FOXK1: variants seen among roughly 807,000 people sequenced by gnomAD.
FOXK1 encodes the protein forkhead box K1, also known as forkhead box protein K1.
Under a neutral mutation model 51.9 loss-of-function variants are expected in FOXK1, and 19 were observed. The observed-to-expected ratio is 0.37, with a 90% CI of 0.26 to 0.54. FOXK1 has a LOEUF of 0.54. FOXK1 is among the 20% of genes least tolerant of loss of function. The pLI is 0.87. For synonymous variants in FOXK1, 537 were observed against 482.6 expected (o/e 1.11, Z -1.48); for missense variants, 870 against 1,032.7 (o/e 0.84, Z 2.16).
Position 4,707,827 on chromosome 7 carries a change from G to C in FOXK1, c.560+24959G>C, listed in dbSNP as rs541072139. 2.6e-5 allele frequency among the ~76,000 whole-genome samples: 4 copies of C among 152,120 alleles called. No individual in the cohort carries two copies. On this transcript the variant is annotated intron_variant, in intron 1 of 8. Transcript: ENST00000328914. The surrounding 1 kb of genome is among the most constrained non-coding windows in gnomAD (Gnocchi z 4.1). ...AGCCCCCCAAGTAGCTGGGATGATA[G>C]GGCCCGCCACCGTGTCCGGCTAATT...
chr7:4,721,310 G>A (rs1159556848), intron 1 of FOXK1, among the ~76,000 whole-genome samples: 2 of 152,194 alleles, frequency 1.3e-5, no homozygotes, highest in Non-Finnish European at 2.9e-5. Context: ...GCCTTGAGCT[G>A]CCGGCCTAGC....
chr7:4,702,489 C>T (rs746936200), intron 1 of FOXK1, among the ~76,000 whole-genome samples: 17 of 152,042 alleles, frequency 1.1e-4, no homozygotes, highest in Non-Finnish European at 1.0e-4. Flanking sequence ...ATTACAGGCA[C>T]GCGCCACCAT....
chr7:4,745,510 C>T lies in FOXK1; in HGVS notation c.746+4487C>T, dbSNP rs1458693589. Among the ~76,000 whole-genome samples, 1 of 151,876 alleles carries T rather than the reference C, an allele frequency of 6.6e-6. No homozygotes were observed. The highest frequency in any genetic ancestry group is 1.5e-5 in the Non-Finnish European group (1 of 67,992). On this transcript the variant is annotated intron_variant, in intron 2 of 8. Transcript: ENST00000328914. The surrounding 1 kb of genome is among the most constrained non-coding windows in gnomAD (Gnocchi z 4.3). ...TGTGTTTCTGATTTATTTTTTTCTG[C>T]CCTGAAGTACTCCACCCAGAAAATG...
intron 1 of FOXK1, among the ~76,000 whole-genome samples, chr7:4,695,785 A>G (rs2115031928): frequency 6.6e-6 from 1 of 152,114 alleles, no homozygotes; most frequent in South Asian, 2.1e-4. Flanking sequence ...AAAAATACAA[A>G]ATTAGCTGGG....
At chr7:4,708,831 G>C (rs1378353753) in intron 1 of FOXK1, among the ~76,000 whole-genome samples, 1 of 152,204 alleles carries the variant, frequency 6.6e-6, no homozygotes, top group Non-Finnish European at 1.5e-5. Context: ...TTGGGAGGCT[G>C]AGGCGGGCGG....
rs1250713720 is a variant in FOXK1, at chr7:4,723,773, T to C, written c.561-17065T>C. Among the ~76,000 whole-genome samples, 1 of 151,972 alleles carries C rather than the reference T, an allele frequency of 6.6e-6. No individual in the cohort carries two copies. Among genetic ancestry groups the C allele is most frequent in the Non-Finnish European group, 1.5e-5 (1 of 67,982 alleles). On this transcript the variant is annotated intron_variant, in intron 1 of 8. Coordinates refer to ENST00000328914, the MANE Select transcript of FOXK1 (RefSeq NM_001037165.2). This position sits in a 1 kb window ranked among gnomAD's most constrained non-coding sequence, Gnocchi z 4.7. ...GCCTCAACCTCCTGGGCTCAAGCAA[T>C]CCTCCCGCCTCAGCCTCCCAAATAG...
intron 2 of FOXK1, among the ~76,000 whole-genome samples, chr7:4,752,233 C>T (rs1472902185): frequency 9.2e-5 from 14 of 152,372 alleles, no homozygotes; most frequent in African/African-American, 3.1e-4. Context: ...TAGCCTCAAA[C>T]TCCTAGGCTC....
At chr7:4,760,112 G>C (rs945954123) in intron 7 of FOXK1, 2 of 155,706 alleles carry the variant, frequency 1.3e-5, no homozygotes, top group African/African-American at 4.8e-5. Context: ...CTGTGTCCTT[G>C]CCCTAAGGTA....
At chr7:4,694,568 A>G (rs1054235556) in intron 1 of FOXK1, among the ~76,000 whole-genome samples, 1 of 152,158 alleles carries the variant, frequency 6.6e-6, no homozygotes, top group African/African-American at 2.4e-5. Context: ...CCGCCCACAG[A>G]CCCCAACAGT....
rs1052742210 is a variant in FOXK1, at chr7:4,741,130, C to T, written c.746+107C>T. 2.1e-5 allele frequency: 16 copies of T among 764,014 alleles called. No individual in the cohort carries two copies. In the Admixed American group the frequency reaches 5.0e-4, roughly 24 times the overall value. The allele number at this position is 764,014 out of a possible 1,614,324, so 47.3% of individuals were successfully genotyped here. A position where few individuals can be genotyped will look rare whatever the true frequency, so the allele number is the denominator to read the frequency against. ...TTCCAAATCTCTCTGGAAAGTTGCACGTGCATGGAAATACAGAAAGTGTTG... is the reference window on the plus strand; with the variant it reads ...TTCCAAATCTCTCTGGAAAGTTGCATGTGCATGGAAATACAGAAAGTGTTG... On this transcript the variant is annotated intron_variant, in intron 2 of 8. Transcript: ENST00000328914.
At chr7:4,728,186 CTT>C (rs1780405274) in intron 1 of FOXK1, among the ~76,000 whole-genome samples, 1 of 152,182 alleles carries the variant, frequency 6.6e-6, no homozygotes, top group African/African-American at 2.4e-5. Context: ...TGACACGACT[CTT>C]TCTTGCCTGC....
intron 1 of FOXK1, among the ~76,000 whole-genome samples, chr7:4,688,990 T>C (rs1426214740): frequency 6.6e-6 from 1 of 151,842 alleles, no homozygotes; most frequent in African/African-American, 2.4e-5. Flanking sequence ...TTTTTTTTTT[T>C]TTTGAGATGG....
intron 1 of FOXK1, among the ~76,000 whole-genome samples, chr7:4,685,319 A>T (rs1779805237): frequency 7.0e-6 from 1 of 142,998 alleles, no homozygotes; most frequent in Non-Finnish European, 1.5e-5. Context: ...GGTTCAAGAG[A>T]TTCTCCTGCC....
At chr7:4,751,081 C>G (rs557312286) in intron 2 of FOXK1, among the ~76,000 whole-genome samples, 8 of 142,448 alleles carry the variant, frequency 5.6e-5, no homozygotes, top group Non-Finnish European at 1.1e-4. Context: ...GTGGCGCAAT[C>G]TCGACTCACT....
At chr7:4,696,913 C>T (rs919180949) in intron 1 of FOXK1, among the ~76,000 whole-genome samples, 3 of 152,014 alleles carry the variant, frequency 2.0e-5, no homozygotes, top group Admixed American at 2.0e-4. Context: ...ACTAAAAATA[C>T]AAAAATTAGC....
Position 4,759,034 on chromosome 7 carries a change from C to T in FOXK1, c.1245-17C>T. 2 of 1,575,920 alleles carry T rather than the reference C, an allele frequency of 1.3e-6. No homozygotes were observed. Among genetic ancestry groups the T allele is most frequent in the South Asian group, 1.2e-5 (1 of 85,852 alleles). ...CAGCGCGGGCGCTGACTGCCGCGGC[C>T]CTTGCCTGTCTTCCAGGAGCGCTCC... On this transcript the variant is annotated splice_polypyrimidine_tract_variant and intron_variant, in intron 5 of 8. Coordinates refer to ENST00000328914, the MANE Select transcript of FOXK1 (RefSeq NM_001037165.2).
rs889588564 is a variant in FOXK1, at chr7:4,717,848, C to T, written c.561-22990C>T. On this transcript the variant is annotated intron_variant, in intron 1 of 8. Transcript: ENST00000328914. ...TGCTCCAGGTGAAGACCGACCACCG[C>T]CGTGTGTTGCCCGCGTCTTTGGGCT... Among the ~76,000 whole-genome samples, 6 of 152,294 alleles carry T rather than the reference C, an allele frequency of 3.9e-5. 1 individual carries two copies. In the South Asian group the frequency reaches 1.2e-3, roughly 32 times the overall value.
At chr7:4,691,920 C>T (rs1349777955) in intron 1 of FOXK1, among the ~76,000 whole-genome samples, 1 of 152,188 alleles carries the variant, frequency 6.6e-6, no homozygotes, top group African/African-American at 2.4e-5. Context: ...GCTGGACATT[C>T]TCTGCTTATA....
In FOXK1 at chr7:4,703,719, C is replaced by T. The variant is rs1004137784; in HGVS notation, c.560+20851C>T. Among the ~76,000 whole-genome samples, 4 of 152,164 alleles carry T rather than the reference C, an allele frequency of 2.6e-5. No homozygotes were observed. Among genetic ancestry groups the T allele is most frequent in the Non-Finnish European group, 5.9e-5 (4 of 68,036 alleles). On this transcript the variant is annotated intron_variant, in intron 1 of 8. Coordinates refer to ENST00000328914, the MANE Select transcript of FOXK1 (RefSeq NM_001037165.2). The surrounding 1 kb of genome is among the most constrained non-coding windows in gnomAD (Gnocchi z 5.6). ...TGCAATTGACATAGCGCTGCTCGGG[C>T]GACCAGGAGGCCCTTCAGTGCTCCG... is the stretch of plus-strand genomic sequence containing the variant.
Sources: gnomAD v4.1 joint callset for allele counts (sites outside exome capture counted in the v4.1 genomes callset) on GRCh38, gnomAD v4.1.1 for gene constraint, Gnocchi (gnomAD v3.1) non-coding constraint, MANE v1.5 for transcripts, NCBI Gene and HGNC (gene_info 2026-07-23, HGNC 2026-07-21) for gene names.